PTAFR: variants seen among roughly 807,000 people sequenced by gnomAD.
PTAFR encodes the protein platelet-activating factor receptor.
A neutral mutation model predicts 14.7 loss-of-function variants in PTAFR; 8 were observed. The ratio of observed to expected loss-of-function variants is 0.54; its 90% CI spans 0.32 to 0.98. The LOEUF is 0.98. PTAFR is among the 50% of genes least tolerant of loss of function. PTAFR has a pLI of 0.04. For synonymous variants in PTAFR, 156 were observed against 176.5 expected (o/e 0.88, Z 0.92); for missense variants, 337 against 451.2 (o/e 0.75, Z 2.29).
chr1:28,180,724 A>G (rs1190381361), upstream of PTAFR, among the ~76,000 whole-genome samples: 1 of 152,206 alleles, frequency 6.6e-6, no homozygotes, highest in African/African-American at 2.4e-5. Context: ...CTAAGGAATT[A>G]TTGATAATAG....
chr1:28,191,956 A>G (rs1226174987), intron 1 of PTAFR, among the ~76,000 whole-genome samples: 1 of 152,008 alleles, frequency 6.6e-6, no homozygotes, highest in Non-Finnish European at 1.5e-5. Flanking sequence ...GGTCCCAGTT[A>G]CTCATGAAGG....
intron 1 of PTAFR, among the ~76,000 whole-genome samples, chr1:28,188,613 T>A (rs1646625185): frequency 6.6e-6 from 1 of 151,960 alleles, no homozygotes; most frequent in Admixed American, 6.6e-5. Flanking sequence ...CAGGCCCCTA[T>A]AATCCCAGCT....
At chr1:28,174,764 T>C (rs1038595085) in intron 1 of PTAFR, among the ~76,000 whole-genome samples, 1 of 152,186 alleles carries the variant, frequency 6.6e-6, no homozygotes, top group African/African-American at 2.4e-5. Context: ...ACAAAACAGT[T>C]TCCTCATCCC....
At chr1:28,185,847 C>T (rs1646601925) in intron 1 of PTAFR, among the ~76,000 whole-genome samples, 2 of 152,180 alleles carry the variant, frequency 1.3e-5, no homozygotes, top group South Asian at 2.1e-4. Flanking sequence ...GGATATAAAA[C>T]CAACATGTAA....
intron 1 of PTAFR, among the ~76,000 whole-genome samples, chr1:28,186,329 TA>T (rs11371237): frequency 3.8e-4 from 57 of 148,164 alleles, no homozygotes; most frequent in African/African-American, 8.2e-4. Flanking sequence ...AAAAGTTATT[TA>T]AAAAAAAAAC....
chr1:28,168,631 C>CATCTGT (rs1315922768), intron 1 of PTAFR, among the ~76,000 whole-genome samples: 1 of 152,096 alleles, frequency 6.6e-6, no homozygotes, highest in Non-Finnish European at 1.5e-5. Context: ...AGATGTTCAA[C>CATCTGT]AGATGTAGAG....
chr1:28,169,973 C>T (rs988053253), intron 1 of PTAFR, among the ~76,000 whole-genome samples: 8 of 148,070 alleles, frequency 5.4e-5, no homozygotes, highest in African/African-American at 1.8e-4. Flanking sequence ...GCACTGGAGT[C>T]TGGGCGACAG....
At chr1:28,189,274 G>A (rs1321006625) in intron 1 of PTAFR, among the ~76,000 whole-genome samples, 1 of 152,140 alleles carries the variant, frequency 6.6e-6, no homozygotes, top group Non-Finnish European at 1.5e-5. Context: ...GTGCGATCCT[G>A]TACATATGTT....
intron 1 of PTAFR, among the ~76,000 whole-genome samples, chr1:28,191,636 G>C (rs1307933191): frequency 6.6e-6 from 1 of 151,362 alleles, no homozygotes; most frequent in African/African-American, 2.4e-5. Context: ...AGTAACTCAG[G>C]CTTCCTCCAA....
chr1:28,161,974 T>C (rs1225635251), intron 1 of PTAFR, among the ~76,000 whole-genome samples: 1 of 152,202 alleles, frequency 6.6e-6, no homozygotes, highest in Non-Finnish European at 1.5e-5. Flanking sequence ...TTTCATCATG[T>C]TCTGAAGTAG....
chr1:28,169,641 C>A (rs542623694), intron 1 of PTAFR, among the ~76,000 whole-genome samples: 1 of 152,152 alleles, frequency 6.6e-6, no homozygotes, highest in Admixed American at 6.6e-5. Flanking sequence ...GAAAATGGAG[C>A]TGATAATACC....
chr1:28,171,338 C>T (rs1018402381), intron 1 of PTAFR, among the ~76,000 whole-genome samples: 3 of 150,786 alleles, frequency 2.0e-5, no homozygotes, highest in Non-Finnish European at 4.4e-5. Context: ...AAAAAAAAAA[C>T]TTGACCTCAC....
chr1:28,151,202 G>T lies in PTAFR; in HGVS notation c.-38-143C>A, dbSNP rs1429772122. Reference sequence around the variant, plus strand: ...TTGAATCTTTTTTTTTTTTTCAGATGGAGTTTCACTCTTGCTGCCCAGGCT... The same window carrying T: ...TTGAATCTTTTTTTTTTTTTCAGATTGAGTTTCACTCTTGCTGCCCAGGCT... On this transcript the variant is annotated intron_variant, in intron 1 of 1. Coordinates refer to ENST00000373857, the MANE Select transcript of PTAFR (RefSeq NM_000952.5). The T allele has an allele frequency of 1.7e-5, 10 of 588,792 alleles. No individual in the cohort carries two copies. The African/African-American group carries it at 1.7e-4, about 10-fold the overall frequency. The allele number at this position is 588,792 out of a possible 1,614,324, so 36.5% of individuals were successfully genotyped here. A position where few individuals can be genotyped will look rare whatever the true frequency, so the allele number is the denominator to read the frequency against.
intron 1 of PTAFR, among the ~76,000 whole-genome samples, chr1:28,175,616 C>T (rs569767770): frequency 7.2e-5 from 11 of 151,776 alleles, no homozygotes; most frequent in African/African-American, 1.5e-4. Flanking sequence ...AAGCAGAGGA[C>T]GGTGGGTGCC....
At chr1:28,190,250 G>C (rs1379333356) in intron 1 of PTAFR, among the ~76,000 whole-genome samples, 1 of 147,014 alleles carries the variant, frequency 6.8e-6, no homozygotes, top group Non-Finnish European at 1.5e-5. Flanking sequence ...GATTACAGGC[G>C]TGAGCCACCA....
upstream of PTAFR, chr1:28,176,823 A>G (rs1458467384): frequency 6.5e-6 from 1 of 153,054 alleles, no homozygotes; most frequent in Non-Finnish European, 1.5e-5. Context: ...GGCTTCTCAA[A>G]GAGCGAGGGA....
intron 1 of PTAFR, among the ~76,000 whole-genome samples, chr1:28,175,163 C>T (rs957992950): frequency 6.6e-6 from 1 of 152,150 alleles, no homozygotes; most frequent in Non-Finnish European, 1.5e-5. Context: ...CTACCCGCCT[C>T]GGCCTCCTAA....
intron 1 of PTAFR, among the ~76,000 whole-genome samples, chr1:28,163,739 G>GGGGA (rs1242461456): frequency 3.3e-5 from 5 of 152,232 alleles, no homozygotes; most frequent in African/African-American, 1.2e-4. Context: ...CTTGGAGCCA[G>GGGGA]GGGAGGGGAC....
intron 1 of PTAFR, among the ~76,000 whole-genome samples, chr1:28,173,107 A>C (rs896314358): frequency 4.4e-5 from 6 of 137,634 alleles, no homozygotes; most frequent in Admixed American, 2.1e-4. Flanking sequence ...CGTTTCCACA[A>C]AAAAAAAAAA....
Sources: allele counts gnomAD v4.1 joint callset (sites outside exome capture counted in the v4.1 genomes callset), GRCh38; gene constraint gnomAD v4.1.1; transcripts MANE v1.5; gene names NCBI Gene and HGNC (gene_info 2026-07-23, HGNC 2026-07-21).